Variants in PRIM2 observed in about 807,000 individuals in gnomAD.
The protein encoded by PRIM2 is DNA primase subunit 2, also known as DNA primase large subunit.
PRIM2 carries 39 observed loss-of-function variants against 67.3 expected under a neutral mutation model. The ratio of observed to expected loss-of-function variants is 0.58; its 90% confidence interval spans 0.45 to 0.76. The LOEUF (loss-of-function observed/expected upper bound fraction) is 0.76. Ranked by LOEUF, PRIM2 falls within the 30% of genes least tolerant of loss-of-function variation. The pLI is 0.00. For synonymous variants in PRIM2, 143 were observed against 198.7 expected (o/e 0.72, Z 2.36); for missense variants, 398 against 598.7 (o/e 0.66, Z 3.50).
intron 7 of PRIM2, among the ~76,000 whole-genome samples, chr6:57,500,982 G>A (rs1479256161): frequency 6.6e-6 from 1 of 152,176 alleles, no homozygotes; most frequent in South Asian, 2.1e-4. Context: ...TGAATCCAAG[G>A]AAAGGATGAG....
chr6:57,627,231 G>A (rs1776962986), intron 12 of PRIM2, among the ~76,000 whole-genome samples: 1 of 116,570 alleles, frequency 8.6e-6, no homozygotes, highest in Non-Finnish European at 1.6e-5. Context: ...AGTGAGCCGA[G>A]ATTGCGCCGC....
At chr6:57,348,123 C>G (rs1284374726) in intron 5 of PRIM2, among the ~76,000 whole-genome samples, 7 of 151,786 alleles carry the variant, frequency 4.6e-5, no homozygotes, top group Non-Finnish European at 7.4e-5. Flanking sequence ...TATAATATTG[C>G]CATCTCTAGG....
chr6:57,456,009 T>G lies in PRIM2; in HGVS notation c.694-51378T>G, dbSNP rs1235836439. Among the ~76,000 whole-genome samples the G allele has an allele frequency of 7.8e-3, 1,193 of 152,254 alleles. 41 individuals carry two copies. Among genetic ancestry groups the G allele is most frequent in the Admixed American group, 0.057 (871 of 15,276 alleles). On this transcript the variant is annotated intron_variant, in intron 7 of 13. Transcript: ENST00000615550. ...GTGACAAAATCTCTCAGCATTTGCT[T>G]GTCTGTAAAGGATTTTATTTCTCCT...
chr6:57,474,712 G>A (rs1773432777), intron 7 of PRIM2, among the ~76,000 whole-genome samples: 2 of 152,042 alleles, frequency 1.3e-5, no homozygotes, highest in East Asian at 1.9e-4. Context: ...TAAGAGGTGG[G>A]GGCCTTTAAG....
intron 11 of PRIM2, among the ~76,000 whole-genome samples, chr6:57,602,060 A>AG (rs1441676191): frequency 7.0e-6 from 1 of 143,522 alleles, no homozygotes; most frequent in Admixed American, 7.0e-5. Flanking sequence ...ATAAACATAG[A>AG]TTTTTTTTTT....
the PRIM2 span, among the ~76,000 whole-genome samples, chr6:57,291,777 C>T: frequency 3.3e-5 from 5 of 152,210 alleles, no homozygotes; most frequent in East Asian, 9.6e-4. Context: ...GCAGAAAAGG[C>T]CTTCGATAAA....
chr6:57,318,097 G>A (rs1181634986), intron 1 of PRIM2, among the ~76,000 whole-genome samples: 1 of 152,140 alleles, frequency 6.6e-6, no homozygotes, highest in Non-Finnish European at 1.5e-5. Flanking sequence ...AAAACCTTAT[G>A]TTAACTCTTG....
intron 7 of PRIM2, among the ~76,000 whole-genome samples, chr6:57,418,965 T>C (rs1771373502): frequency 6.6e-6 from 1 of 152,158 alleles, no homozygotes; most frequent in Non-Finnish European, 1.5e-5. Context: ...TACTGAGATT[T>C]AATTATTTTG....
chr6:57,368,977 A>T (rs1466074772), intron 5 of PRIM2, among the ~76,000 whole-genome samples: 1 of 152,164 alleles, frequency 6.6e-6, no homozygotes, highest in Non-Finnish European at 1.5e-5. Flanking sequence ...CGGCAAAAGG[A>T]GGAGAGAACT....
upstream of PRIM2, chr6:57,314,778 A>G (rs1767448933): frequency 6.6e-6 from 1 of 152,230 alleles, no homozygotes; most frequent in African/African-American, 2.4e-5. Context: ...TTTGTAGATG[A>G]AGTGAATACA....
chr6:57,267,718 G>A, the PRIM2 span, among the ~76,000 whole-genome samples: 1 of 151,254 alleles, frequency 6.6e-6, no homozygotes, highest in South Asian at 2.1e-4. Flanking sequence ...AGACCAGCCT[G>A]GGCAACATTG....
intron 5 of PRIM2, among the ~76,000 whole-genome samples, chr6:57,363,522 G>T (rs1173496377): frequency 3.9e-5 from 6 of 152,106 alleles, no homozygotes; most frequent in African/African-American, 1.4e-4. Flanking sequence ...TTTGCTGGAT[G>T]TAGAATTCTA....
intron 5 of PRIM2, among the ~76,000 whole-genome samples, chr6:57,337,258 A>T (rs554827607): frequency 6.6e-6 from 1 of 152,162 alleles, no homozygotes; most frequent in Non-Finnish European, 1.5e-5. Context: ...CACATTAATA[A>T]TGGGAGATTT....
chr6:57,578,013 A>C (rs1775994332), intron 10 of PRIM2, among the ~76,000 whole-genome samples: 1 of 152,112 alleles, frequency 6.6e-6, no homozygotes, highest in Non-Finnish European at 1.5e-5. Context: ...CTAGTCTGTG[A>C]CAATTTCTCA....
Position 57,607,655 on chromosome 6 carries a change from T to A in PRIM2, c.1230+1198T>A, listed in dbSNP as rs1776587457. On this transcript the variant is annotated intron_variant, in intron 12 of 13. Transcript: ENST00000615550. ...ATAGTTGGTTTCGGTTTGAGTGACT[T>A]AATTTTAGTGGTTATAAACTGCTGC... is the stretch of plus-strand genomic sequence containing the variant. Among the ~76,000 whole-genome samples the A allele has an allele frequency of 2.6e-5, 4 of 152,138 alleles. No individual in the cohort carries two copies. In the South Asian group the frequency reaches 8.3e-4, roughly 32 times the overall value.
At chr6:57,552,785 A>G (rs1283281045) in intron 10 of PRIM2, among the ~76,000 whole-genome samples, 3 of 152,132 alleles carry the variant, frequency 2.0e-5, no homozygotes, top group Admixed American at 6.5e-5. Flanking sequence ...GTAAGCCTCA[A>G]AAAAACAAAT....
At chr6:57,275,406 T>G in the PRIM2 span, among the ~76,000 whole-genome samples, 3 of 152,168 alleles carry the variant, frequency 2.0e-5, no homozygotes, top group Non-Finnish European at 4.4e-5. Flanking sequence ...TGAGAATCAC[T>G]TGAACCCAGG....
chr6:57,495,225 A>C (rs1773977683), intron 7 of PRIM2, among the ~76,000 whole-genome samples: 1 of 152,214 alleles, frequency 6.6e-6, no homozygotes, highest in African/African-American at 2.4e-5. Context: ...TTTATGAATA[A>C]AGAAAATAGC....
At chr6:57,405,362 G>A (rs1424145601) in intron 7 of PRIM2, among the ~76,000 whole-genome samples, 1 of 150,090 alleles carries the variant, frequency 6.7e-6, no homozygotes, top group African/African-American at 2.4e-5. Context: ...ACTGGACATT[G>A]TAAAGTAATG....
Sources: gnomAD v4.1 joint callset for allele counts (sites outside exome capture counted in the v4.1 genomes callset) on GRCh38, gnomAD v4.1.1 for gene constraint, MANE v1.5 for transcripts, NCBI Gene and HGNC (gene_info 2026-07-23, HGNC 2026-07-21) for gene names.